The following RABGAP1L variants were observed in gnomAD, a reference collection of about 807,000 sequenced individuals.
The protein encoded by RABGAP1L is RAB GTPase activating protein 1 like, also known as rab GTPase-activating protein 1-like.
A neutral mutation model predicts 137.7 loss-of-function variants in RABGAP1L; 63 were observed. That is an observed-to-expected ratio of 0.46 (90% CI 0.37 to 0.56). The LOEUF is 0.56. Ranked by LOEUF, RABGAP1L falls within the 20% of genes least tolerant of loss-of-function variation. The probability of loss-of-function intolerance (pLI) is 0.00; values close to 1 mark genes in which losing one functional copy is unlikely to be tolerated. For synonymous variants in RABGAP1L, 431 were observed against 433.7 expected (o/e 0.99, Z 0.08); for missense variants, 1,095 against 1,244.0 (o/e 0.88, Z 1.80).
intron 18 of RABGAP1L, among the ~76,000 whole-genome samples, chr1:174,771,619 T>G (rs1686117819): frequency 6.6e-6 from 1 of 152,202 alleles, no homozygotes; most frequent in African/African-American, 2.4e-5. Context: ...AAACAACCCA[T>G]TTGTTCTACA....
intron 12 of RABGAP1L, among the ~76,000 whole-genome samples, chr1:174,380,391 G>A (rs1297513881): frequency 1.3e-5 from 2 of 151,696 alleles, no homozygotes; most frequent in African/African-American, 4.8e-5. Flanking sequence ...ACCTCTGGTA[G>A]AATTCGGCTG....
At chr1:174,483,607 T>C (rs9729907) in intron 13 of RABGAP1L, among the ~76,000 whole-genome samples, 58,857 of 152,006 alleles carry the variant, frequency 0.39, 14,324 homozygotes, top group African/African-American at 0.69. Context: ...TTTGGGAGGC[T>C]GAGGTGGTCA....
In RABGAP1L at chr1:174,221,102, A is replaced by C. The variant is rs1669719091; in HGVS notation, c.269A>C (p.Asp90Ala). The C allele has an allele frequency of 2.5e-6, 4 of 1,613,780 alleles. No individual in the cohort carries two copies. Among genetic ancestry groups the C allele is most frequent in the Non-Finnish European group, 3.4e-6 (4 of 1,179,812 alleles). ...GAGATTTCAGACCATTCGTTTGGAG[A>C]TATTCCAGCCAGCCAAACAAATAAG... The part of the protein sequence containing the change: ...SSEISDHSFG[D>A]IPASQTNKPS... The change falls in exon 3 of 26, where the codon GAT becomes GCT. Residue 90 changes from aspartate (D) to alanine (A), a missense_variant. Physicochemically the swap from Asp to Ala is moderately radical, Grantham distance 126 (BLOSUM62 -2). Coordinates refer to ENST00000681986, the MANE Select transcript of RABGAP1L (RefSeq NM_001366446.1).
At chr1:174,432,052 A>G (rs1350953957) in intron 13 of RABGAP1L, among the ~76,000 whole-genome samples, 1 of 152,110 alleles carries the variant, frequency 6.6e-6, no homozygotes, top group Non-Finnish European at 1.5e-5. Flanking sequence ...GGTATGGTTG[A>G]TCCCTTCACC....
rs1467141039 is a variant in RABGAP1L, at chr1:174,761,387, C to T, written c.2211+9033C>T. Among the ~76,000 whole-genome samples the T allele has an allele frequency of 1.3e-5, 2 of 152,188 alleles. No individual in the cohort carries two copies. The highest frequency in any genetic ancestry group is 4.8e-5 in the African/African-American group (2 of 41,446). On this transcript the variant is annotated intron_variant, in intron 18 of 25. Transcript: ENST00000681986. The surrounding 1 kb of genome is among the most constrained non-coding windows in gnomAD (Gnocchi z 4.0). The stretch of plus-strand genomic sequence containing the variant: ...AGACAGTGCGGGGGCCAGGGAGAGG[C>T]ACTCCTCACTTCCCAGAGGGTGGCA...
At chr1:174,773,078 T>A (rs1216930135) in intron 18 of RABGAP1L, among the ~76,000 whole-genome samples, 1 of 152,052 alleles carries the variant, frequency 6.6e-6, no homozygotes, top group Non-Finnish European at 1.5e-5. Flanking sequence ...TTGGTTAAAG[T>A]CATTCAGTTA....
At chr1:174,633,711 GC>G (rs1345268153) in intron 13 of RABGAP1L, among the ~76,000 whole-genome samples, 3 of 134,286 alleles carry the variant, frequency 2.2e-5, no homozygotes, top group Non-Finnish European at 3.1e-5. Flanking sequence ...ACAGAACAGA[GC>G]CCTCAGAAAT....
At chr1:174,560,082 T>C (rs891420815) in intron 13 of RABGAP1L, among the ~76,000 whole-genome samples, 3 of 150,744 alleles carry the variant, frequency 2.0e-5, no homozygotes, top group East Asian at 3.9e-4. Flanking sequence ...TGCAGTGAGC[T>C]GAGACCACGC....
chr1:174,748,736 G>A (rs1190908530), intron 17 of RABGAP1L, among the ~76,000 whole-genome samples: 2 of 151,940 alleles, frequency 1.3e-5, no homozygotes, highest in Non-Finnish European at 2.9e-5. Context: ...TTATCTGGGC[G>A]TGGTGGCATA....
chr1:174,262,828 T>G (rs1673709178), intron 7 of RABGAP1L, among the ~76,000 whole-genome samples: 1 of 152,242 alleles, frequency 6.6e-6, no homozygotes, highest in South Asian at 2.1e-4. Context: ...CTTTAAACAT[T>G]TCTTCTTTGC....
At chr1:174,418,231 C>T (rs189704409) in intron 13 of RABGAP1L, among the ~76,000 whole-genome samples, 188 of 152,300 alleles carry the variant, frequency 1.2e-3, no homozygotes, top group African/African-American at 4.4e-3. Context: ...TAGTTTGACA[C>T]TTGAATTACC....
intron 13 of RABGAP1L, among the ~76,000 whole-genome samples, chr1:174,596,342 C>T (rs182201071): frequency 8.5e-5 from 13 of 152,064 alleles, no homozygotes; most frequent in East Asian, 3.9e-4. Flanking sequence ...AGCTGTAGAC[C>T]GGAGCTGTTC....
At chr1:174,690,019 G>A (rs1678763003) in intron 15 of RABGAP1L, among the ~76,000 whole-genome samples, 1 of 152,074 alleles carries the variant, frequency 6.6e-6, no homozygotes, top group Non-Finnish European at 1.5e-5. Context: ...CCTATTCCAA[G>A]TTAATTCTTA....
intron 17 of RABGAP1L, among the ~76,000 whole-genome samples, chr1:174,734,089 T>G (rs1682732256): frequency 6.6e-6 from 1 of 152,184 alleles, no homozygotes; most frequent in Admixed American, 6.5e-5. Context: ...AAGAAGAGAT[T>G]GGAGGAAGAA....
In RABGAP1L at chr1:174,762,653, T is replaced by G. The variant is rs1685317209; in HGVS notation, c.2211+10299T>G. ...CCACTAGTTTGCCTTTGTATTGGAGTTGCTGGCACATAGTAGGCACTTAAA... is the reference window on the plus strand; with the variant it reads ...CCACTAGTTTGCCTTTGTATTGGAGGTGCTGGCACATAGTAGGCACTTAAA... On this transcript the variant is annotated intron_variant, in intron 18 of 25. Coordinates refer to ENST00000681986, the MANE Select transcript of RABGAP1L (RefSeq NM_001366446.1). 2.0e-5 allele frequency among the ~76,000 whole-genome samples: 3 copies of G among 152,240 alleles called. No homozygotes were observed. The South Asian group carries it at 6.2e-4, about 32-fold the overall frequency.
chr1:174,981,787 A>T (rs182779232), intron 23 of RABGAP1L, among the ~76,000 whole-genome samples: 60 of 151,990 alleles, frequency 3.9e-4, no homozygotes, highest in African/African-American at 1.3e-3. Context: ...TATTTCTACC[A>T]TTTCTAATAC....
At position 174,429,245 on chromosome 1, in the gene RABGAP1L, G is replaced by A. The variant is rs141141463; in HGVS notation, c.1710+35100G>A. ...AAAATAATAGTGGCCATCACTAGTC[G>A]TCTTCTTCACTGGATAAGATAGTTA... On this transcript the variant is annotated intron_variant, in intron 13 of 25. Transcript: ENST00000681986. 1.4e-3 allele frequency among the ~76,000 whole-genome samples: 207 copies of A among 152,262 alleles called. 1 individual carries two copies. The highest frequency in any genetic ancestry group is 4.5e-3 in the African/African-American group (188 of 41,546).
intron 13 of RABGAP1L, among the ~76,000 whole-genome samples, chr1:174,552,444 T>A (rs923721749): frequency 3.9e-5 from 6 of 152,214 alleles, no homozygotes; most frequent in Non-Finnish European, 1.5e-5. Flanking sequence ...TGTTCTTGTG[T>A]TAGTTTAGTA....
chr1:174,476,121 A>T (rs894561613), intron 13 of RABGAP1L, among the ~76,000 whole-genome samples: 6 of 152,164 alleles, frequency 3.9e-5, no homozygotes, highest in African/African-American at 1.4e-4. Flanking sequence ...GATACTTTAT[A>T]AAAATAACTT....
Sources: allele counts gnomAD v4.1 joint callset (sites outside exome capture counted in the v4.1 genomes callset), GRCh38; gene constraint gnomAD v4.1.1; non-coding constraint Gnocchi (gnomAD v3.1); transcripts MANE v1.5; gene names NCBI Gene and HGNC (gene_info 2026-07-23, HGNC 2026-07-21).